PRKN: variants seen among roughly 807,000 people sequenced by gnomAD.
PRKN encodes the protein E3 ubiquitin-protein ligase parkin.
In PRKN, 56 loss-of-function variants were observed where a neutral mutation model predicts 59.5. The observed-to-expected ratio is 0.94, with a 90% CI of 0.76 to 1.18. The LOEUF (loss-of-function observed/expected upper bound fraction) is 1.18, where lower values mean the gene tolerates loss of function less well. PRKN is among the 50% of genes most tolerant of loss of function. PRKN has a pLI of 0.00. For synonymous variants in PRKN, 250 were observed against 222.1 expected (o/e 1.13, Z -1.12); for missense variants, 657 against 596.4 (o/e 1.10, Z -1.06).
chr6:162,677,325 G>A (rs1779591847), intron 1 of PRKN, among the ~76,000 whole-genome samples: 1 of 151,868 alleles, frequency 6.6e-6, no homozygotes, highest in Non-Finnish European at 1.5e-5. Flanking sequence ...TAACAGCTGA[G>A]CTAGTGATGG....
Position 161,550,537 on chromosome 6 carries a change from T to C in PRKN, c.934-1534A>G, listed in dbSNP as rs1323460394. Among the ~76,000 whole-genome samples, 2 of 152,108 alleles carry C rather than the reference T, an allele frequency of 1.3e-5. No individual in the cohort carries two copies. The highest frequency in any genetic ancestry group is 2.4e-5 in the African/African-American group (1 of 41,398). On this transcript the variant is annotated intron_variant, in intron 8 of 11. Coordinates refer to ENST00000366898, the MANE Select transcript of PRKN (RefSeq NM_004562.3). The surrounding 1 kb of genome is among the most constrained non-coding windows in gnomAD (Gnocchi z 4.0). The stretch of plus-strand genomic sequence containing the variant: ...CTGGCTTGAACCGGGAAGGTAGTGC[T>C]GGAGGTAGGATGAGTGTTTGAATTC...
At chr6:161,946,632 C>G (rs1779793355) in intron 6 of PRKN, among the ~76,000 whole-genome samples, 1 of 152,098 alleles carries the variant, frequency 6.6e-6, no homozygotes, top group African/African-American at 2.4e-5. Flanking sequence ...AAAAAACATA[C>G]TAGTCTGTTC....
chr6:161,529,303 C>T lies in PRKN; in HGVS notation c.1083+19551G>A, dbSNP rs1484069651. ...GTTGACACCTGGTTGTGGCTGACGG[C>T]TGTGTCCCTCCAGCTGCCTCACCTG... On this transcript the variant is annotated intron_variant, in intron 9 of 11. Transcript: ENST00000366898. The surrounding 1 kb of genome is among the most constrained non-coding windows in gnomAD (Gnocchi z 4.4). Among the ~76,000 whole-genome samples, 1 of 152,164 alleles carries T rather than the reference C, an allele frequency of 6.6e-6. No homozygotes were observed. Among genetic ancestry groups the T allele is most frequent in the African/African-American group, 2.4e-5 (1 of 41,422 alleles).
chr6:162,585,167 G>C (rs1780992987), intron 1 of PRKN, among the ~76,000 whole-genome samples: 1 of 151,568 alleles, frequency 6.6e-6, no homozygotes, highest in Non-Finnish European at 1.5e-5. Flanking sequence ...CCAAAGTGCT[G>C]GGGTTACAGG....
chr6:162,038,555 G>C (rs963684710), intron 5 of PRKN, among the ~76,000 whole-genome samples: 1 of 152,202 alleles, frequency 6.6e-6, no homozygotes, highest in African/African-American at 2.4e-5. Context: ...CCACCAGCCT[G>C]TAAGTATCAT....
intron 1 of PRKN, among the ~76,000 whole-genome samples, chr6:162,518,511 C>CG (rs1777958518): frequency 6.6e-6 from 1 of 151,980 alleles, no homozygotes; most frequent in African/African-American, 2.4e-5. Context: ...GTATTACGGG[C>CG]GGGTGCCACC....
intron 7 of PRKN, among the ~76,000 whole-genome samples, chr6:161,671,134 C>T (rs141601835): frequency 8.9e-4 from 136 of 152,226 alleles, no homozygotes; most frequent in African/African-American, 3.1e-3. Flanking sequence ...TCTCTGAGCC[C>T]GGGCGCAGAT....
intron 6 of PRKN, among the ~76,000 whole-genome samples, chr6:161,802,806 G>GA (rs1007242533): frequency 3.9e-5 from 6 of 152,252 alleles, no homozygotes; most frequent in African/African-American, 9.6e-5. Flanking sequence ...CCATTGACCT[G>GA]ACTTTGTCTT....
At chr6:162,727,283 A>AGGGGCGCAGGTGAGGGGCGGCGGC in intron 1 of PRKN, 1 of 265,566 alleles carries the variant, frequency 3.8e-6, no homozygotes, top group Non-Finnish European at 6.9e-6. Flanking sequence ...CAGTGAGGTG[A>AGGGGCGCAGGTGAGGGGCGGCGGC]GGGGCGAAGG....
At chr6:161,805,281 C>T (rs1192617350) in intron 6 of PRKN, among the ~76,000 whole-genome samples, 1 of 152,146 alleles carries the variant, frequency 6.6e-6, no homozygotes, top group Non-Finnish European at 1.5e-5. Context: ...CATGTTTACT[C>T]GATGCTTATT....
rs1046366133 is a variant in PRKN at position 161,379,482 on chromosome 6, G to A, written c.1167+7312C>T. Among the ~76,000 whole-genome samples the A allele has an allele frequency of 3.9e-5, 6 of 152,178 alleles. No individual in the cohort carries two copies. The highest frequency in any genetic ancestry group is 1.3e-4 in the Admixed American group (2 of 15,282). On this transcript the variant is annotated intron_variant, in intron 10 of 11. Transcript: ENST00000366898. This position sits in a 1 kb window ranked among gnomAD's most constrained non-coding sequence, Gnocchi z 4.9. ...TCTCCAGGCAGTGCAAGGGGCAGAC[G>A]ACAGCAGATGCTGTGAGGCTGGCCA... is the stretch of plus-strand genomic sequence containing the variant.
chr6:162,237,676 TAAGC>T (rs773768849), intron 3 of PRKN, among the ~76,000 whole-genome samples: 1 of 152,052 alleles, frequency 6.6e-6, no homozygotes, highest in Non-Finnish European at 1.5e-5. Context: ...ATTTTAGCAA[TAAGC>T]AAGCAGTCAC....
intron 9 of PRKN, among the ~76,000 whole-genome samples, chr6:161,404,960 A>G (rs2114988778): frequency 6.6e-6 from 1 of 152,350 alleles, no homozygotes; most frequent in East Asian, 1.9e-4. Context: ...GTAAAGTCAT[A>G]AAAAGGGGGA....
intron 1 of PRKN, among the ~76,000 whole-genome samples, chr6:162,583,051 G>A (rs1780850145): frequency 6.6e-6 from 1 of 152,146 alleles, no homozygotes; most frequent in Admixed American, 6.5e-5. Flanking sequence ...GGTAAGTTGT[G>A]TGCCTTTTTA....
Position 162,278,886 on chromosome 6 carries a change from C to A in PRKN, c.172-16121G>T, listed in dbSNP as rs562152810. The stretch of plus-strand genomic sequence containing the variant: ...GTGAGGGAGACAAAGAAAGATAAAG[C>A]AAATGTGGCAAAGTGTTAACAGTTG... On this transcript the variant is annotated intron_variant, in intron 2 of 11. Transcript: ENST00000366898. Among the ~76,000 whole-genome samples the A allele has an allele frequency of 5.9e-5, 9 of 152,120 alleles. No individual in the cohort carries two copies. The South Asian group carries it at 1.9e-3, about 32-fold the overall frequency.
chr6:162,229,756 C>T (rs571288590), intron 3 of PRKN, among the ~76,000 whole-genome samples: 28 of 152,332 alleles, frequency 1.8e-4, no homozygotes, highest in African/African-American at 5.1e-4. Flanking sequence ...ATCCAGCACT[C>T]GACTTAGAGA....
intron 2 of PRKN, among the ~76,000 whole-genome samples, chr6:162,321,346 G>GAAAAA (rs1783015928): frequency 6.6e-6 from 1 of 151,816 alleles, no homozygotes; most frequent in African/African-American, 2.4e-5. Flanking sequence ...AAGAAAACTT[G>GAAAAA]AATAGACTTA....
intron 7 of PRKN, among the ~76,000 whole-genome samples, chr6:161,705,163 C>T (rs1007643817): frequency 2.0e-5 from 3 of 152,180 alleles, no homozygotes; most frequent in Non-Finnish European, 4.4e-5. Flanking sequence ...TATAGAGGCT[C>T]CTCGACTTAC....
At chr6:161,670,606 G>T (rs1784873074) in intron 7 of PRKN, among the ~76,000 whole-genome samples, 1 of 152,196 alleles carries the variant, frequency 6.6e-6, no homozygotes, top group Non-Finnish European at 1.5e-5. Flanking sequence ...ATGAGGTCAG[G>T]AGATCGAGAC....
Sources: gnomAD v4.1 joint callset for allele counts (sites outside exome capture counted in the v4.1 genomes callset) on GRCh38, gnomAD v4.1.1 for gene constraint, Gnocchi (gnomAD v3.1) non-coding constraint, MANE v1.5 for transcripts, NCBI Gene and HGNC (gene_info 2026-07-23, HGNC 2026-07-21) for gene names.